The following SRL variants were observed in gnomAD, a reference collection of about 807,000 sequenced individuals.
SRL encodes sarcalumenin.
In SRL, 23 loss-of-function variants were observed where a neutral mutation model predicts 39.5. The observed-to-expected ratio is 0.58, with a 90% CI of 0.42 to 0.82. The LOEUF is 0.82. SRL is among the 40% of genes least tolerant of loss of function. The probability of loss-of-function intolerance (pLI) is 0.00; values close to 1 mark genes in which losing one functional copy is unlikely to be tolerated. For missense variants in SRL, 592 were observed against 607.8 expected, an observed-to-expected ratio of 0.97 and a Z score of 0.27; for synonymous variants, 272 against 237.4, an observed-to-expected ratio of 1.15 and a Z score of -1.34.
rs117603433 is a variant in SRL at position 4,232,068 on chromosome 16, C to T, written c.61+9939G>A. ...CCGGGTTCCGGTGCTCCCGCTGGGC[C>T]CCACCCCAGGCCAGCCGCTCTGCCT... On this transcript the variant is annotated intron_variant, in intron 1 of 5. Transcript: ENST00000399609. Among the ~76,000 whole-genome samples, 31 of 152,286 alleles carry T rather than the reference C, an allele frequency of 2.0e-4. No individual in the cohort carries two copies. The East Asian group carries it at 5.2e-3, about 26-fold the overall frequency.
At chr16:4,195,433 A>C in intron 5 of SRL, 120 bp downstream of exon 5, 1 of 1,007,350 alleles carries the variant, frequency 9.9e-7, no homozygotes, top group Non-Finnish European at 1.5e-6. Flanking sequence ...TCCGGCCTCA[A>C]GGGATCCTCC....
rs2052433359 is a variant in SRL at position 4,214,628 on chromosome 16, CCCCCT to C, written c.62-9999_62-9995del. Among the ~76,000 whole-genome samples, 4 of 152,148 alleles carry C rather than the reference CCCCCT, an allele frequency of 2.6e-5. No individual in the cohort carries two copies. In the South Asian group the frequency reaches 8.3e-4, roughly 32 times the overall value. ...TTCATGCCGCAGAGCAGGCAGCCTG[CCCCCT>C]TCCTTGTTCTAGATCTTGTCTCTGA... On this transcript the variant is annotated intron_variant, in intron 1 of 5. Transcript: ENST00000399609.
At chr16:4,202,269 A>T (rs145582278) in intron 3 of SRL, among the ~76,000 whole-genome samples, 1 of 152,306 alleles carries the variant, frequency 6.6e-6, no homozygotes, top group African/African-American at 2.4e-5. Context: ...CTTCACTATA[A>T]CGATGTGTTT....
At chr16:4,210,698 G>A (rs1231504601) in intron 1 of SRL, among the ~76,000 whole-genome samples, 1 of 152,036 alleles carries the variant, frequency 6.6e-6, no homozygotes, top group Admixed American at 6.5e-5. Flanking sequence ...GGCTAGGCTG[G>A]TCTTGAACTC....
intron 3 of SRL, among the ~76,000 whole-genome samples, chr16:4,201,532 C>G (rs541963254): frequency 7.2e-6 from 1 of 138,940 alleles, no homozygotes; most frequent in East Asian, 1.9e-4. Flanking sequence ...TCGCCTCAGC[C>G]TCCCAAACTG....
In SRL at chr16:4,192,320, G is replaced by C. The variant is rs372986062; in HGVS notation, c.1255C>G (p.Gln419Glu). 3.1e-6 allele frequency: 5 copies of C among 1,614,062 alleles called. No individual in the cohort carries two copies. Among genetic ancestry groups the C allele is most frequent in the Non-Finnish European group, 4.2e-6 (5 of 1,180,042 alleles). The change falls in exon 6 of 6, where the codon CAG (glutamine) becomes GAG (glutamate). Residue 419 changes from glutamine (Q) to glutamate (E), a missense_variant. Coordinates refer to ENST00000399609, the MANE Select transcript of SRL (RefSeq NM_001098814.2). The surrounding 1 kb of genome is among the most constrained non-coding windows in gnomAD (Gnocchi z 4.0). Reference sequence around the variant, plus strand: ...AAGCAACCTCCCATGTAGGAGCACTGCTGGGAGAGCAGTTTGAAACTGGAA... The same window carrying C: ...AAGCAACCTCCCATGTAGGAGCACTCCTGGGAGAGCAGTTTGAAACTGGAA... ...PISSFKLLSQ[Q>E]CSYMGGCFLE...
intron 3 of SRL, among the ~76,000 whole-genome samples, chr16:4,199,986 C>G (rs2052204546): frequency 6.9e-6 from 1 of 145,280 alleles, no homozygotes; most frequent in Non-Finnish European, 1.5e-5. Context: ...CGTGAGCCCC[C>G]ACACCCGGCC....
intron 1 of SRL, among the ~76,000 whole-genome samples, chr16:4,220,744 T>C (rs180867179): frequency 1.9e-4 from 29 of 152,124 alleles, no homozygotes; most frequent in Admixed American, 1.7e-3. Context: ...CTGAAATAAC[T>C]CTGGGTGGCT....
In SRL at chr16:4,204,642, GAGA is replaced by G. The variant is rs2052294368; in HGVS notation, c.62-11_62-9del. 2 of 1,613,306 alleles carry G rather than the reference GAGA, an allele frequency of 1.2e-6. No homozygotes were observed. The highest frequency in any genetic ancestry group is 2.2e-5 in the South Asian group (2 of 91,076). The stretch of plus-strand genomic sequence containing the variant: ...TTGCATCCTCCGTCTCTTCTGTGGA[GAGA>G]AGCAGACAGCCAAGTGAGAGCAAAG... On this transcript the variant is annotated splice_polypyrimidine_tract_variant and intron_variant, in intron 1 of 5. Coordinates refer to ENST00000399609, the MANE Select transcript of SRL (RefSeq NM_001098814.2).
At chr16:4,234,192 C>A (rs1158807074) in intron 1 of SRL, among the ~76,000 whole-genome samples, 1 of 152,184 alleles carries the variant, frequency 6.6e-6, no homozygotes, top group East Asian at 1.9e-4. Context: ...CAAGATCTCA[C>A]TGTGTTGCCC....
intron 1 of SRL, among the ~76,000 whole-genome samples, chr16:4,223,691 A>C (rs1184068093): frequency 2.6e-5 from 4 of 151,940 alleles, no homozygotes; most frequent in Admixed American, 2.0e-4. Flanking sequence ...TCCGGCAAGG[A>C]ATCTGCCTTT....
rs190157951 is a variant in SRL, at chr16:4,242,072, A to G, written c.-5T>C. On this transcript the variant is annotated 5_prime_UTR_variant, in exon 1 of 6. Transcript: ENST00000399609. ...GAGCAGGACCAGCGCCCTCATGGTG[A>G]CTGCCAAGAGAGCCCAGCTGCTCCT... 1.9e-6 allele frequency: 3 copies of G among 1,610,218 alleles called. No homozygotes were observed. The highest frequency in any genetic ancestry group is 2.5e-6 in the Non-Finnish European group (3 of 1,179,122).
chr16:4,215,868 T>C (rs1029143852), intron 1 of SRL, among the ~76,000 whole-genome samples: 1 of 152,172 alleles, frequency 6.6e-6, no homozygotes, highest in Admixed American at 6.5e-5. Context: ...CTGGCCCATC[T>C]TTCCAAAAAA....
chr16:4,224,840 C>T (rs940432496), intron 1 of SRL, among the ~76,000 whole-genome samples: 7 of 152,142 alleles, frequency 4.6e-5, no homozygotes, highest in South Asian at 2.1e-4. Flanking sequence ...GGAAACAGCC[C>T]GACTGTCCAT....
intron 1 of SRL, among the ~76,000 whole-genome samples, chr16:4,224,701 C>T (rs999811872): frequency 2.1e-5 from 3 of 145,870 alleles, no homozygotes; most frequent in Middle Eastern, 3.6e-3. Context: ...GCCTGGGCAA[C>T]AGAGCAAGAC....
intron 2 of SRL, 68 bp from the exon 3 acceptor site, chr16:4,203,329 A>AT: frequency 7.3e-7 from 1 of 1,368,944 alleles, no homozygotes; most frequent in Non-Finnish European, 1.0e-6. Context: ...TCCATTGTGG[A>AT]GGGGCCTCAC....
At chr16:4,233,069 A>G (rs1371314177) in intron 1 of SRL, among the ~76,000 whole-genome samples, 1 of 152,232 alleles carries the variant, frequency 6.6e-6, no homozygotes, top group Non-Finnish European at 1.5e-5. Flanking sequence ...AATATCTGAG[A>G]GAGCGGGGAA....
intron 1 of SRL, among the ~76,000 whole-genome samples, chr16:4,213,418 T>C (rs1048469982): frequency 6.8e-5 from 9 of 131,724 alleles, no homozygotes; most frequent in Admixed American, 1.5e-4. Context: ...TTTTTTTTTT[T>C]TTTTTTTTTT....
intron 4 of SRL, 56 bp from the exon 5 acceptor site, chr16:4,195,842 C>A: frequency 6.8e-7 from 1 of 1,460,714 alleles, no homozygotes; most frequent in South Asian, 1.2e-5. Context: ...AACAGATCTA[C>A]TGAGAAGCAT....
Sources: allele counts gnomAD v4.1 joint callset (sites outside exome capture counted in the v4.1 genomes callset), GRCh38; gene constraint gnomAD v4.1.1; non-coding constraint Gnocchi (gnomAD v3.1); transcripts MANE v1.5; gene names NCBI Gene and HGNC (gene_info 2026-07-23, HGNC 2026-07-21).